Variants in LTBP1 observed in about 807,000 individuals in gnomAD.
LTBP1 encodes the protein latent transforming growth factor beta binding protein 1, also known as latent-transforming growth factor beta-binding protein 1.
Under a neutral mutation model 207.6 loss-of-function variants are expected in LTBP1, and 129 were observed. The ratio of observed to expected loss-of-function variants is 0.62; its 90% confidence interval spans 0.54 to 0.72. The LOEUF (loss-of-function observed/expected upper bound fraction) is 0.72. LTBP1 is among the 30% of genes least tolerant of loss of function. The pLI, the probability that LTBP1 is intolerant of heterozygous loss-of-function variation, is 0.00. For missense variants in LTBP1, 2,281 were observed against 2,217.2 expected (o/e 1.03, Z -0.58); for synonymous variants, 963 against 833.7 (o/e 1.16, Z -2.67).
intron 3 of LTBP1, among the ~76,000 whole-genome samples, chr2:33,024,335 T>A (rs1573155063): frequency 6.6e-6 from 1 of 151,878 alleles, no homozygotes; most frequent in African/African-American, 2.4e-5. Flanking sequence ...GGTGTGGCAG[T>A]TTTAAATAGG....
chr2:33,198,379 C>G (rs564346023), intron 7 of LTBP1, among the ~76,000 whole-genome samples: 172 of 152,208 alleles, frequency 1.1e-3, no homozygotes, highest in African/African-American at 4.0e-3. Context: ...TGTGTCTCTG[C>G]CTGGCTTTGG....
intron 2 of LTBP1, among the ~76,000 whole-genome samples, chr2:32,966,887 C>T (rs1680091700): frequency 6.6e-6 from 1 of 152,092 alleles, no homozygotes; most frequent in South Asian, 2.1e-4. Context: ...ATGCTGGCCT[C>T]AGAATGAGTT....
At chr2:33,165,864 C>T (rs932720995) in intron 5 of LTBP1, among the ~76,000 whole-genome samples, 4 of 152,104 alleles carry the variant, frequency 2.6e-5, no homozygotes, top group Admixed American at 1.3e-4. Flanking sequence ...TGCTTTATTC[C>T]AAATGGCTTG....
intron 7 of LTBP1, among the ~76,000 whole-genome samples, chr2:33,207,731 G>A (rs1449696083): frequency 1.3e-5 from 2 of 152,148 alleles, no homozygotes; most frequent in Non-Finnish European, 1.5e-5. Flanking sequence ...TAGCGATAGG[G>A]GTTAGAGATT....
At chr2:33,266,809 C>G (rs367799391) in intron 15 of LTBP1, among the ~76,000 whole-genome samples, 1 of 152,154 alleles carries the variant, frequency 6.6e-6, no homozygotes, top group South Asian at 2.1e-4. Flanking sequence ...CTCCAGTTTT[C>G]TGTATACCTC....
chr2:33,155,599 AC>A (rs2083910605), intron 5 of LTBP1, among the ~76,000 whole-genome samples: 1 of 151,680 alleles, frequency 6.6e-6, no homozygotes, highest in Non-Finnish European at 1.5e-5. Flanking sequence ...TCAAGTAGCA[AC>A]CCCCCATCTC....
At chr2:33,153,078 A>G (rs2083669677) in intron 5 of LTBP1, among the ~76,000 whole-genome samples, 1 of 152,188 alleles carries the variant, frequency 6.6e-6, no homozygotes, top group East Asian at 1.9e-4. Context: ...TGTAAATGAG[A>G]TGAGGCTCTC....
At chr2:33,294,183 T>C (rs2093828861) in intron 20 of LTBP1, among the ~76,000 whole-genome samples, 1 of 151,162 alleles carries the variant, frequency 6.6e-6, no homozygotes, top group Non-Finnish European at 1.5e-5. Context: ...TTTTTGTTTG[T>C]TTGTTTGTTT....
At chr2:33,233,522 A>G (rs1336557171) in intron 9 of LTBP1, among the ~76,000 whole-genome samples, 5 of 152,110 alleles carry the variant, frequency 3.3e-5, no homozygotes, top group Non-Finnish European at 7.4e-5. Flanking sequence ...CATTGGCTTC[A>G]ATTAGTTTCT....
chr2:33,138,951 C>T (rs905211293), intron 5 of LTBP1, among the ~76,000 whole-genome samples: 1 of 144,960 alleles, frequency 6.9e-6, no homozygotes, highest in Non-Finnish European at 1.5e-5. Context: ...CTCCGCCTCC[C>T]GGGTTCACGC....
chr2:33,200,719 C>G (rs1279633757), intron 7 of LTBP1, among the ~76,000 whole-genome samples: 18 of 151,966 alleles, frequency 1.2e-4, no homozygotes, highest in Non-Finnish European at 1.9e-4. Context: ...ATTTTTGCAA[C>G]CTACTCATCT....
At chr2:33,098,747 A>G (rs1363108053) in intron 3 of LTBP1, among the ~76,000 whole-genome samples, 1 of 152,048 alleles carries the variant, frequency 6.6e-6, no homozygotes, top group Non-Finnish European at 1.5e-5. Flanking sequence ...CCCACAAATG[A>G]TTTTTACTTT....
At chr2:33,354,808 A>G (rs1456320941) in intron 26 of LTBP1, among the ~76,000 whole-genome samples, 1 of 151,758 alleles carries the variant, frequency 6.6e-6, no homozygotes, top group Non-Finnish European at 1.5e-5. Context: ...GTGTACGATC[A>G]TGGTTCACTG....
chr2:32,951,562 G>T (rs995548840), intron 2 of LTBP1, among the ~76,000 whole-genome samples: 1 of 152,152 alleles, frequency 6.6e-6, no homozygotes, highest in Non-Finnish European at 1.5e-5. Flanking sequence ...CGGCTTTGGG[G>T]TCAGAAGACC....
At position 33,020,762 on chromosome 2, in the gene LTBP1, C is replaced by T. The variant is rs978360633; in HGVS notation, c.566-147C>T. 7.1e-6 allele frequency: 5 copies of T among 706,486 alleles called. No individual in the cohort carries two copies. In the African/African-American group the frequency reaches 8.8e-5, roughly 12 times the overall value. 43.8% of individuals were successfully genotyped at this position (706,486 alleles called of 1,614,324 possible). ...ATTAGCTCTCTTCCCCCTCCTCCGC[C>T]CAACTGCCCCACCTTCCTCCTTATG... On this transcript the variant is annotated intron_variant, in intron 2 of 33. Coordinates refer to ENST00000404816, the MANE Select transcript of LTBP1 (RefSeq NM_206943.4).
chr2:33,275,109 C>G lies in LTBP1; in HGVS notation c.2869+19C>G, dbSNP rs200057643. ...TGCATAGGTAATGGCAGCATTCTTCCTGCTTACAAATTCTTAGATCTGAGT... is the reference window on the plus strand; with the variant it reads ...TGCATAGGTAATGGCAGCATTCTTCGTGCTTACAAATTCTTAGATCTGAGT... On this transcript the variant is annotated intron_variant, in intron 17 of 33. Transcript: ENST00000404816. 2 of 1,612,806 alleles carry G rather than the reference C, an allele frequency of 1.2e-6. No homozygotes were observed. The highest frequency in any genetic ancestry group is 1.7e-6 in the Non-Finnish European group (2 of 1,179,196).
chr2:33,282,651 C>G lies in LTBP1; in HGVS notation c.3112+2493C>G, dbSNP rs76357118. Among the ~76,000 whole-genome samples the G allele has an allele frequency of 2.6e-5, 4 of 152,276 alleles. No homozygotes were observed. The East Asian group carries it at 7.7e-4, about 29-fold the overall frequency. On this transcript the variant is annotated intron_variant, in intron 19 of 33. Coordinates refer to ENST00000404816, the MANE Select transcript of LTBP1 (RefSeq NM_206943.4). The stretch of plus-strand genomic sequence containing the variant: ...TACCTTTCAGAAGGTGCAGTCTTGT[C>G]TTAAGCCTAGTTTTGAGTTGAGCTC...
intron 9 of LTBP1, 145 bp from the exon 10 acceptor site, chr2:33,243,517 T>G (rs1312069378): frequency 1.6e-6 from 1 of 624,010 alleles, no homozygotes; most frequent in Non-Finnish European, 2.6e-6. Context: ...CATTAACTGA[T>G]TTAAGATTAT....
chr2:33,254,867 T>G (rs1219277679), intron 11 of LTBP1, among the ~76,000 whole-genome samples: 19 of 122,040 alleles, frequency 1.6e-4, no homozygotes, highest in African/African-American at 4.8e-4. Flanking sequence ...TTTTTTTTTT[T>G]TTTTTTTTTT....
Sources: allele counts gnomAD v4.1 joint callset (sites outside exome capture counted in the v4.1 genomes callset), GRCh38; gene constraint gnomAD v4.1.1; transcripts MANE v1.5; gene names NCBI Gene and HGNC (gene_info 2026-07-23, HGNC 2026-07-21).